Variants in FDPS observed in about 807,000 individuals in gnomAD.
FDPS encodes farnesyl diphosphate synthase.
Under a neutral mutation model 49.5 loss-of-function variants are expected in FDPS, and 29 were observed. The observed-to-expected ratio is 0.59, with a 90% CI of 0.44 to 0.80. FDPS has a LOEUF of 0.80. Ranked by LOEUF, FDPS falls within the 30% of genes least tolerant of loss-of-function variation. The pLI is 0.00. For synonymous variants in FDPS, 172 were observed against 206.4 expected, an observed-to-expected ratio of 0.83 and a Z score of 1.43; for missense variants, 414 against 525.6, an observed-to-expected ratio of 0.79 and a Z score of 2.08.
rs747024248 is a variant in FDPS at position 155,312,235 on chromosome 1, C to T, written c.340-20C>T. 6.2e-7 allele frequency: 1 copy of T among 1,612,968 alleles called. No individual in the cohort carries two copies. Among genetic ancestry groups the T allele is most frequent in the South Asian group, 1.1e-5 (1 of 91,030 alleles). On this transcript the variant is annotated intron_variant, in intron 3 of 10. Coordinates refer to ENST00000368356, the MANE Select transcript of FDPS (RefSeq NM_002004.4). ...GCTGTATGGACCCTGATACCCTGTACCTCTTTCCTTGCCCTCCAGGTCCTG... is the reference window on the plus strand; with the variant it reads ...GCTGTATGGACCCTGATACCCTGTATCTCTTTCCTTGCCCTCCAGGTCCTG...
chr1:155,318,851 C>G lies in FDPS; in HGVS notation c.774-5C>G, dbSNP rs1462027510. On this transcript the variant is annotated splice_polypyrimidine_tract_variant and splice_region_variant and intron_variant, in intron 7 of 10. Coordinates refer to ENST00000368356, the MANE Select transcript of FDPS (RefSeq NM_002004.4). This position sits in a 1 kb window ranked among gnomAD's most constrained non-coding sequence, Gnocchi z 4.2. Reference sequence around the variant, plus strand: ...CTGAGGAGTTTCTCTTCTCCCCTTACTCAGGTACAAATCTATTGTCAAGTA... The same window carrying G: ...CTGAGGAGTTTCTCTTCTCCCCTTAGTCAGGTACAAATCTATTGTCAAGTA... 6.2e-7 allele frequency: 1 copy of G among 1,611,686 alleles called. No homozygotes were observed. Among genetic ancestry groups the G allele is most frequent in the Admixed American group, 1.7e-5 (1 of 60,014 alleles).
In FDPS at chr1:155,319,697, G is replaced by T; in HGVS notation, c.924+9G>T. 1 of 1,614,186 alleles carries T rather than the reference G, an allele frequency of 6.2e-7. No individual in the cohort carries two copies. Among genetic ancestry groups the T allele is most frequent in the Non-Finnish European group, 8.5e-7 (1 of 1,180,018 alleles). ...AGTTCTTTCAGATTCAGGTAAGAAG[G>T]CAGGAGGCAGTAGCAGAGAACAGGC... On this transcript the variant is annotated intron_variant, in intron 9 of 10. Coordinates refer to ENST00000368356, the MANE Select transcript of FDPS (RefSeq NM_002004.4).
At position 155,312,302 on chromosome 1, in the gene FDPS, G is replaced by A. The variant is rs755801542; in HGVS notation, c.387G>A (p.Thr129=). ...GAGGCAAGTATAACCGGGGTTTGAC[G>A]GTGGTAGTAGCATTCCGGGAGCTGG... ...AIGGKYNRGL[T]VVVAFRELVE... Residue 129 remains threonine (T), a synonymous_variant, in exon 4 of 11, where the codon ACG becomes ACA. Coordinates refer to ENST00000368356, the MANE Select transcript of FDPS (RefSeq NM_002004.4). 2.5e-6 allele frequency: 4 copies of A among 1,614,040 alleles called. No homozygotes were observed. The highest frequency in any genetic ancestry group is 1.1e-5 in the South Asian group (1 of 91,090).
intron 10 of FDPS, 35 bp downstream of exon 10, chr1:155,319,963 T>C (rs764012544): frequency 1.9e-6 from 3 of 1,610,210 alleles, no homozygotes; most frequent in African/African-American, 2.7e-5. Flanking sequence ...CCTGAGTTGG[T>C]GGAAAGGGAT....
intron 3 of FDPS, among the ~76,000 whole-genome samples, chr1:155,312,005 C>T (rs1572079742): frequency 6.6e-6 from 1 of 151,194 alleles, no homozygotes; most frequent in African/African-American, 2.5e-5. Context: ...TAAATAAAAA[C>T]AAAAAATAAA....
At chr1:155,312,434 A>G in intron 4 of FDPS, 39 bp downstream of exon 4, 1 of 1,126,524 alleles carries the variant, frequency 8.9e-7, no homozygotes. Flanking sequence ...GTTTCCTGCA[A>G]TGGTGGTGAC....
At chr1:155,311,809 C>A (rs1648824930) in intron 3 of FDPS, among the ~76,000 whole-genome samples, 2 of 151,962 alleles carry the variant, frequency 1.3e-5, no homozygotes, top group African/African-American at 4.8e-5. Flanking sequence ...TCTGTCTCTA[C>A]TAAAAATACA....
At position 155,319,637 on chromosome 1, in the gene FDPS, C is replaced by T. The variant is rs796351724; in HGVS notation, c.873C>T (p.His291=). The stretch of plus-strand genomic sequence containing the variant: ...CAGGAATTGATGGCGAGAAGGAGCA[C>T]GCCAATGCCAAGAAGATCCTGCTGG... ...YMAGIDGEKE[H]ANAKKILLEM... Residue 291 remains histidine, a synonymous_variant, in exon 9 of 11, where the codon CAC becomes CAT. Transcript: ENST00000368356. 11 of 1,614,088 alleles carry T rather than the reference C, an allele frequency of 6.8e-6. No individual in the cohort carries two copies. The highest frequency in any genetic ancestry group is 4.5e-5 in the East Asian group (2 of 44,896).
At chr1:155,309,702 T>G in intron 1 of FDPS, 87 bp from the exon 2 acceptor site, 1 of 1,208,854 alleles carries the variant, frequency 8.3e-7, no homozygotes, top group Non-Finnish European at 1.1e-6. Context: ...GGGGTGGGAG[T>G]TATCTGGGGA....
chr1:155,319,218 GA>G (rs1572099853), intron 8 of FDPS, among the ~76,000 whole-genome samples: 1 of 152,184 alleles, frequency 6.6e-6, no homozygotes, highest in East Asian at 1.9e-4. Flanking sequence ...TTGAGAGGGA[GA>G]AGAGTGGATT....
At chr1:155,317,878 C>A in intron 4 of FDPS, 63 bp from the exon 5 acceptor site, 3 of 1,430,972 alleles carry the variant, frequency 2.1e-6, no homozygotes, top group Middle Eastern at 2.5e-4. Flanking sequence ...AAAGTAGCAG[C>A]TCTGTTGCTG....
chr1:155,314,208 C>T (rs1357626757), intron 4 of FDPS, among the ~76,000 whole-genome samples: 1 of 139,184 alleles, frequency 7.2e-6, no homozygotes, highest in African/African-American at 2.7e-5. Context: ...TTTTTTGATA[C>T]AGGGTCTTAC....
rs376649384 is a variant in FDPS at position 155,310,021 on chromosome 1, G to T, written c.177-22G>T. On this transcript the variant is annotated intron_variant, in intron 2 of 10. Coordinates refer to ENST00000368356, the MANE Select transcript of FDPS (RefSeq NM_002004.4). ...GAGGGGAGCAGCTGATCAGGTTTCT[G>T]ACTTGTTTTTCTTCTACTTAGAGCC... The T allele has an allele frequency of 4.8e-5, 78 of 1,612,780 alleles. No homozygotes were observed. The African/African-American group carries it at 1.0e-3, about 21-fold the overall frequency.
chr1:155,309,871 G>T lies in FDPS; in HGVS notation c.82G>T (p.Gly28Cys). 1 of 1,589,426 alleles carries T rather than the reference G, an allele frequency of 6.3e-7. No individual in the cohort carries two copies. Among genetic ancestry groups the T allele is most frequent in the Non-Finnish European group, 8.6e-7 (1 of 1,166,724 alleles). Reference protein sequence around the residue: ...PYWAPRERWLGSLRRPSLVHG... With the variant: ...PYWAPRERWLCSLRRPSLVHG... ...CTGGGCACCCCGGGAGAGGTGGCTG[G>T]GTTCCCTACGGCGGCCCTCCCTGGT... Residue 28 changes from glycine (G) to cysteine (C), a missense_variant, in exon 2 of 11, where the codon GGT becomes TGT. Gly to Cys is a radical substitution (Grantham distance 159). Coordinates refer to ENST00000368356, the MANE Select transcript of FDPS (RefSeq NM_002004.4).
chr1:155,312,286 A>G lies in FDPS; in HGVS notation c.371A>G (p.Tyr124Cys), dbSNP rs758912651. The change falls in exon 4 of 11, where the codon TAT becomes TGT. Residue 124 changes from tyrosine to cysteine, a missense_variant. Transcript: ENST00000368356. Reference protein sequence around the residue: ...VLEYNAIGGKYNRGLTVVVAF... With the variant: ...VLEYNAIGGKCNRGLTVVVAF... ...GAGTACAATGCCATTGGAGGCAAGT[A>G]TAACCGGGGTTTGACGGTGGTAGTA... is the stretch of plus-strand genomic sequence containing the variant. 14 of 1,614,138 alleles carry G rather than the reference A, an allele frequency of 8.7e-6. 1 individual carries two copies. In the South Asian group the frequency reaches 1.4e-4, roughly 16 times the overall value.
chr1:155,309,627 G>T, intron 1 of FDPS, 162 bp from the exon 2 acceptor site: 1 of 589,812 alleles, frequency 1.7e-6, no homozygotes, highest in Non-Finnish European at 2.8e-6. Flanking sequence ...TGTTCCCTGC[G>T]TATCCTTCCT....
At chr1:155,317,908 G>C in intron 4 of FDPS, 33 bp from the exon 5 acceptor site, 1 of 1,582,652 alleles carries the variant, frequency 6.3e-7, no homozygotes, top group Non-Finnish European at 8.7e-7. Context: ...ACAGTAATGA[G>C]GAGCCCTGCA....
chr1:155,309,168 C>T (rs767732380), intron 1 of FDPS: 2 of 152,722 alleles, frequency 1.3e-5, no homozygotes, highest in East Asian at 3.8e-4. Context: ...ATGCCCGGAC[C>T]CCGGTTTACT....
intron 3 of FDPS, among the ~76,000 whole-genome samples, chr1:155,310,759 C>T (rs1648718284): frequency 6.6e-6 from 1 of 152,094 alleles, no homozygotes; most frequent in Non-Finnish European, 1.5e-5. Context: ...AGGCCTTGAA[C>T]CTGGCAAGTC....
Sources: allele counts gnomAD v4.1 joint callset (sites outside exome capture counted in the v4.1 genomes callset), GRCh38; gene constraint gnomAD v4.1.1; non-coding constraint Gnocchi (gnomAD v3.1); transcripts MANE v1.5; gene names NCBI Gene and HGNC (gene_info 2026-07-23, HGNC 2026-07-21).